PRLR: variants seen among roughly 807,000 people sequenced by gnomAD.
PRLR encodes the protein prolactin receptor, also known as hPRL receptor.
Under a neutral mutation model 40.2 loss-of-function variants are expected in PRLR, and 13 were observed. The observed-to-expected ratio is 0.32, with a 90% CI of 0.21 to 0.51. PRLR has a LOEUF of 0.51. Ranked by LOEUF, PRLR falls within the 20% of genes least tolerant of loss-of-function variation. The pLI is 0.97. For synonymous variants in PRLR, 269 were observed against 278.7 expected (o/e 0.97, Z 0.35); for missense variants, 656 against 747.3 (o/e 0.88, Z 1.42).
intron 1 of PRLR, chr5:35,195,033 G>T (rs1775699946): frequency 6.6e-6 from 1 of 152,160 alleles, no homozygotes; most frequent in African/African-American, 2.4e-5. Flanking sequence ...TGTACTTTCT[G>T]TTCAATTTTT....
chr5:35,214,875 A>G (rs1390406374), intron 1 of PRLR, among the ~76,000 whole-genome samples: 1 of 152,202 alleles, frequency 6.6e-6, no homozygotes, highest in Non-Finnish European at 1.5e-5. Flanking sequence ...CACACAAATA[A>G]CAATGCCATC....
intron 1 of PRLR, among the ~76,000 whole-genome samples, chr5:35,142,422 T>C (rs923835363): frequency 5.3e-5 from 8 of 152,186 alleles, no homozygotes; most frequent in African/African-American, 1.9e-4. Flanking sequence ...TTTGCTCTAA[T>C]GGCACATCTT....
chr5:35,187,222 G>A (rs1320733035), intron 1 of PRLR, among the ~76,000 whole-genome samples: 8 of 152,096 alleles, frequency 5.3e-5, no homozygotes, highest in African/African-American at 4.8e-5. Flanking sequence ...CCAACATGGT[G>A]AAACCCCATC....
intron 1 of PRLR, among the ~76,000 whole-genome samples, chr5:35,226,077 A>G (rs369010901): frequency 5.1e-4 from 77 of 152,252 alleles, no homozygotes; most frequent in African/African-American, 1.8e-3. Context: ...GCCACATTTC[A>G]AGTGCTCAAT....
At chr5:35,181,507 C>A (rs1004337852) in intron 1 of PRLR, among the ~76,000 whole-genome samples, 8 of 152,164 alleles carry the variant, frequency 5.3e-5, no homozygotes, top group Admixed American at 5.2e-4. Flanking sequence ...TGAGAGCTGC[C>A]ACTCAGACTA....
At chr5:35,159,440 GA>G (rs546158924) in intron 1 of PRLR, among the ~76,000 whole-genome samples, 2 of 150,912 alleles carry the variant, frequency 1.3e-5, no homozygotes, top group Non-Finnish European at 2.9e-5. Flanking sequence ...TTATAACCCA[GA>G]AAAAACTAGA....
chr5:35,158,398 C>T (rs192621298), intron 1 of PRLR, among the ~76,000 whole-genome samples: 1 of 152,226 alleles, frequency 6.6e-6, no homozygotes, highest in Non-Finnish European at 1.5e-5. Flanking sequence ...TGATGATTCA[C>T]AGGGTGGCTT....
In PRLR at chr5:35,070,014, A is replaced by G. The variant is rs542077655; in HGVS notation, c.685+110T>C. Reference sequence around the variant, plus strand: ...GCAGAAAGATTATAAACCCACCTCTATTGTTCTGGCTAAGGCTCAAAATGG... The same window carrying G: ...GCAGAAAGATTATAAACCCACCTCTGTTGTTCTGGCTAAGGCTCAAAATGG... On this transcript the variant is annotated intron_variant, in intron 7 of 9. Transcript: ENST00000618457. 32 of 1,271,546 alleles carry G rather than the reference A, an allele frequency of 2.5e-5. 1 individual carries two copies. Among genetic ancestry groups the G allele is most frequent in the Non-Finnish European group, 3.2e-5 (30 of 939,640 alleles). The allele number at this position is 1,271,546 out of a possible 1,614,324, so 78.8% of individuals were successfully genotyped here. A position where few individuals can be genotyped will look rare whatever the true frequency, so the allele number is the denominator to read the frequency against.
intron 1 of PRLR, among the ~76,000 whole-genome samples, chr5:35,189,051 G>A (rs1775525150): frequency 6.6e-6 from 1 of 152,088 alleles, no homozygotes; most frequent in African/African-American, 2.4e-5. Context: ...CAATATGATT[G>A]GTGCTCTTAT....
chr5:35,219,340 T>C (rs1776361811), intron 1 of PRLR, among the ~76,000 whole-genome samples: 1 of 152,234 alleles, frequency 6.6e-6, no homozygotes, highest in Non-Finnish European at 1.5e-5. Context: ...TGTATGATCT[T>C]GGGCATATGA....
chr5:35,104,116 A>G (rs937129071), intron 2 of PRLR, among the ~76,000 whole-genome samples: 20 of 152,144 alleles, frequency 1.3e-4, no homozygotes, highest in African/African-American at 4.3e-4. Context: ...ACACAGTAGC[A>G]CTTAGCTCCT....
At chr5:35,225,378 G>A (rs771753972) in intron 1 of PRLR, among the ~76,000 whole-genome samples, 4 of 152,086 alleles carry the variant, frequency 2.6e-5, no homozygotes, top group Non-Finnish European at 4.4e-5. Flanking sequence ...CTTTTCTCTC[G>A]TGCTTCACCA....
intron 1 of PRLR, among the ~76,000 whole-genome samples, chr5:35,224,764 A>G (rs1776509103): frequency 6.6e-6 from 1 of 152,098 alleles, no homozygotes; most frequent in Non-Finnish European, 1.5e-5. Context: ...GCAAACCAGT[A>G]GAGTACACAA....
chr5:35,077,228 C>T (rs144199509), intron 5 of PRLR, among the ~76,000 whole-genome samples: 14,601 of 152,090 alleles, frequency 0.096, 1,092 homozygotes, highest in African/African-American at 0.2. Flanking sequence ...GCTAAATGCT[C>T]CAATTAAAAG....
At chr5:35,226,380 C>T (rs1776549023) in intron 1 of PRLR, among the ~76,000 whole-genome samples, 1 of 152,200 alleles carries the variant, frequency 6.6e-6, no homozygotes, top group South Asian at 2.1e-4. Context: ...ACCTTGATGA[C>T]TCTTGGTTTC....
chr5:35,068,939 C>G, intron 7 of PRLR, 61 bp from the exon 8 acceptor site: 3 of 1,261,956 alleles, frequency 2.4e-6, no homozygotes, highest in Non-Finnish European at 3.4e-6. Flanking sequence ...ACAAACCAAC[C>G]TAATGAATGA....
chr5:35,146,622 A>G (rs1016749086), intron 1 of PRLR, among the ~76,000 whole-genome samples: 3 of 152,204 alleles, frequency 2.0e-5, no homozygotes, highest in African/African-American at 7.2e-5. Context: ...GGCACCCCAC[A>G]GACTGTCAAT....
chr5:35,091,087 C>G (rs1050343577), intron 2 of PRLR, among the ~76,000 whole-genome samples: 1 of 152,136 alleles, frequency 6.6e-6, no homozygotes, highest in South Asian at 2.1e-4. Context: ...GTTGGGATTA[C>G]AGGCGTGAGC....
intron 1 of PRLR, among the ~76,000 whole-genome samples, chr5:35,128,516 CA>C (rs1248648937): frequency 3.3e-5 from 5 of 151,320 alleles, no homozygotes; most frequent in African/African-American, 1.2e-4. Flanking sequence ...ATTGTATTAT[CA>C]TTTTTTTTCA....
Sources: allele counts gnomAD v4.1 joint callset (sites outside exome capture counted in the v4.1 genomes callset), GRCh38; gene constraint gnomAD v4.1.1; transcripts MANE v1.5; gene names NCBI Gene and HGNC (gene_info 2026-07-23, HGNC 2026-07-21).